Variants in PGBD2 observed in about 807,000 individuals in gnomAD.
PGBD2 encodes piggyBac transposable element derived 2, also known as piggyBac transposable element-derived protein 2.
A neutral mutation model predicts 8.1 loss-of-function variants in PGBD2; 6 were observed. The ratio of observed to expected loss-of-function variants is 0.74; its 90% CI spans 0.40 to 1.46. The LOEUF is 1.46. Ranked by LOEUF, PGBD2 falls within the 40% of genes most tolerant of loss-of-function variation. PGBD2 has a pLI of 0.02. For synonymous variants in PGBD2, 318 were observed against 272.2 expected (o/e 1.17, Z -1.66); for missense variants, 802 against 739.0 (o/e 1.09, Z -0.99).
chr1:248,908,669 T>C (rs192487526), intron 1 of PGBD2, among the ~76,000 whole-genome samples: 8 of 146,688 alleles, frequency 5.5e-5, no homozygotes, highest in East Asian at 2.0e-4. Flanking sequence ...CTTCCTTCTG[T>C]TATGCTCTTC....
intron 2 of PGBD2, among the ~76,000 whole-genome samples, chr1:248,915,012 C>T (rs752707388): frequency 6.6e-6 from 1 of 152,234 alleles, no homozygotes. Context: ...CTCTTTCTCT[C>T]ACCTCCTTCA....
downstream of PGBD2, among the ~76,000 whole-genome samples, chr1:248,923,065 C>T (rs781323679): frequency 7.2e-5 from 11 of 152,134 alleles, no homozygotes; most frequent in Non-Finnish European, 1.3e-4. Context: ...TGGTAGAATT[C>T]GGCTGTGAAT....
At chr1:248,910,535 C>G (rs528653052) in intron 1 of PGBD2, among the ~76,000 whole-genome samples, 42 of 152,324 alleles carry the variant, frequency 2.8e-4, no homozygotes, top group Non-Finnish European at 5.4e-4. Flanking sequence ...AATCGCACAG[C>G]TCATCGCTGG....
intron 2 of PGBD2, among the ~76,000 whole-genome samples, chr1:248,914,719 G>GTT: frequency 6.6e-6 from 1 of 152,278 alleles, no homozygotes; most frequent in East Asian, 1.9e-4. Context: ...AGGGTGATGT[G>GTT]TTTACAGCCT....
In PGBD2 at chr1:248,914,189, G is replaced by T. The variant is rs558830515; in HGVS notation, c.17+310G>T. On this transcript the variant is annotated intron_variant, in intron 2 of 2. Transcript: ENST00000329291. Reference sequence around the variant, plus strand: ...CCTGGGGCCACCTCAGTCCCCGCAGGGTTTCTCATGCCTGGGGTTTGAACA... The same window carrying T: ...CCTGGGGCCACCTCAGTCCCCGCAGTGTTTCTCATGCCTGGGGTTTGAACA... Among the ~76,000 whole-genome samples, 5 of 152,310 alleles carry T rather than the reference G, an allele frequency of 3.3e-5. No individual in the cohort carries two copies. In the East Asian group the frequency reaches 9.6e-4, roughly 29 times the overall value.
At chr1:248,920,855 A>G (rs983121599), downstream of PGBD2, among the ~76,000 whole-genome samples, 1 of 152,180 alleles carries the variant, frequency 6.6e-6, no homozygotes, top group Admixed American at 6.5e-5. Flanking sequence ...GTGAGATGGT[A>G]TCTCATTGTG....
Position 248,917,447 on chromosome 1 carries a change from A to T in PGBD2, c.863A>T (p.Lys288Met), listed in dbSNP as rs760032890. The change falls in exon 3 of 3, where the codon AAG becomes ATG. Residue 288 changes from lysine to methionine, a missense_variant. Physicochemically the swap from Lys to Met is moderately conservative, Grantham distance 95. Transcript: ENST00000329291. The part of the protein sequence containing the change: ...HRGSKQLHRG[K>M]PVRLGYKIWC... ...GGGTCCAAGCAGCTGCACAGGGGGA[A>T]GCCTGTGCGACTTGGCTACAAGATT... The T allele has an allele frequency of 6.2e-7, 1 of 1,613,930 alleles. No individual in the cohort carries two copies. Among genetic ancestry groups the T allele is most frequent in the Non-Finnish European group, 8.5e-7 (1 of 1,180,018 alleles).
At chr1:248,900,394 C>T in the PGBD2 span, among the ~76,000 whole-genome samples, 1 of 152,194 alleles carries the variant, frequency 6.6e-6, no homozygotes, top group African/African-American at 2.4e-5. Flanking sequence ...GCTTATCCAC[C>T]ATGATCAAGT....
chr1:248,912,289 G>C (rs953191539), intron 1 of PGBD2, among the ~76,000 whole-genome samples: 1 of 152,122 alleles, frequency 6.6e-6, no homozygotes, highest in East Asian at 1.9e-4. Context: ...GGGTCAGGGC[G>C]ACTGGTTTTC....
downstream of PGBD2, among the ~76,000 whole-genome samples, chr1:248,920,228 C>G (rs1662257238): frequency 6.6e-6 from 1 of 152,054 alleles, no homozygotes; most frequent in African/African-American, 2.4e-5. Flanking sequence ...ATACACGTGC[C>G]ATGGTGGCTT....
At chr1:248,922,326 T>C (rs76057874), downstream of PGBD2, among the ~76,000 whole-genome samples, 1 of 152,182 alleles carries the variant, frequency 6.6e-6, no homozygotes, top group Non-Finnish European at 1.5e-5. Context: ...CCCAAAGTGC[T>C]GGGATTACAG....
the PGBD2 span, among the ~76,000 whole-genome samples, chr1:248,894,237 A>T: frequency 6.6e-6 from 1 of 151,890 alleles, no homozygotes; most frequent in African/African-American, 2.4e-5. Context: ...GTAATGCTGA[A>T]ACTTTTTAGT....
At chr1:248,873,991 AAGAAACCCC>A in the PGBD2 span, among the ~76,000 whole-genome samples, 1 of 152,138 alleles carries the variant, frequency 6.6e-6, no homozygotes, top group Non-Finnish European at 1.5e-5. Context: ...TATTCCCCGG[AAGAAACCCC>A]AGAATTTTCC....
chr1:248,914,155 A>ATGGT (rs1558287564), intron 2 of PGBD2, among the ~76,000 whole-genome samples: 2 of 152,164 alleles, frequency 1.3e-5, no homozygotes, highest in Non-Finnish European at 2.9e-5. Flanking sequence ...AAGACACCAG[A>ATGGT]TGGTTACTCC....
the PGBD2 span, among the ~76,000 whole-genome samples, chr1:248,889,387 CA>C: frequency 1.5e-4 from 22 of 151,076 alleles, no homozygotes; most frequent in Non-Finnish European, 2.6e-4. Flanking sequence ...TTCTCCGTCT[CA>C]AAAAGAAAAT....
In PGBD2 at chr1:248,917,762, TGAA is replaced by T. The variant is rs1299119294; in HGVS notation, c.1181_1183del (p.Lys394del). ...AAAGACCCCAAAGAACTGAAAAAAA[TGAA>T]GAGGGGTTCATTTGATTACAAAGTC... On this transcript the variant is annotated inframe_deletion, in exon 3 of 3. Transcript: ENST00000329291. 5.0e-6 allele frequency: 8 copies of T among 1,613,786 alleles called. No individual in the cohort carries two copies. The highest frequency in any genetic ancestry group is 2.2e-5 in the South Asian group (2 of 91,088).
At chr1:248,900,097 CAAAAAA>C in the PGBD2 span, among the ~76,000 whole-genome samples, 2 of 49,472 alleles carry the variant, frequency 4.0e-5, no homozygotes, top group African/African-American at 1.0e-4. Flanking sequence ...AATAGCCTAC[CAAAAAA>C]AAAAAAAAAA....
downstream of PGBD2, chr1:248,919,991 C>G (rs1304335782): frequency 6.6e-6 from 1 of 152,216 alleles, no homozygotes. Context: ...ATTCTCCTGC[C>G]TCAGCCTCCC....
intron 2 of PGBD2, among the ~76,000 whole-genome samples, chr1:248,916,138 GTGC>G (rs1662088130): frequency 6.6e-6 from 1 of 152,216 alleles, no homozygotes; most frequent in Non-Finnish European, 1.5e-5. Flanking sequence ...TGTGGGCCGG[GTGC>G]CATGGCTCAC....
Sources: allele counts gnomAD v4.1 joint callset (sites outside exome capture counted in the v4.1 genomes callset), GRCh38; gene constraint gnomAD v4.1.1; transcripts MANE v1.5; gene names NCBI Gene and HGNC (gene_info 2026-07-23, HGNC 2026-07-21).